ZNF845: variants seen among roughly 807,000 people sequenced by gnomAD.
The protein encoded by ZNF845 is zinc finger protein 845.
A neutral mutation model predicts 76.1 loss-of-function variants in ZNF845; 59 were observed. The ratio of observed to expected loss-of-function variants is 0.78; its 90% confidence interval spans 0.63 to 0.96. ZNF845 has a LOEUF of 0.96. ZNF845 is among the 40% of genes least tolerant of loss of function. The pLI, the probability that ZNF845 is intolerant of heterozygous loss-of-function variation, is 0.00. For synonymous variants in ZNF845, 361 were observed against 386.9 expected, an observed-to-expected ratio of 0.93 and a Z score of 0.78; for missense variants, 1,045 against 1,172.8, an observed-to-expected ratio of 0.89 and a Z score of 1.59.
At position 53,351,736 on chromosome 19, in the gene ZNF845, C is replaced by T; in HGVS notation, c.1061C>T (p.Pro354Leu). The T allele has an allele frequency of 2.5e-6, 4 of 1,614,008 alleles. No homozygotes were observed. Among genetic ancestry groups the T allele is most frequent in the African/African-American group, 1.3e-5 (1 of 75,010 alleles). Residue 354 changes from proline (P) to leucine (L), a missense_variant, in exon 4 of 4, where the codon CCT becomes CTT. By Grantham distance (98) the Pro-to-Leu change is moderately conservative. Transcript: ENST00000458035. ...YHRRLHTGEKPYKCEECDKAF... is the reference protein window; with the variant it reads ...YHRRLHTGEKLYKCEECDKAF... ...CGTAGACTTCATACTGGAGAGAAAC[C>T]TTACAAATGTGAAGAATGTGACAAA...
intron 1 of ZNF845, among the ~76,000 whole-genome samples, chr19:53,338,512 C>G (rs979278161): frequency 2.0e-5 from 3 of 151,564 alleles, no homozygotes; most frequent in Non-Finnish European, 2.9e-5. Context: ...GCATGAAGGA[C>G]ACACTCCTAC....
In ZNF845 at chr19:53,353,442, A is replaced by T. The variant is rs752335528; in HGVS notation, c.2767A>T (p.Thr923Ser). 81 of 1,611,728 alleles carry T rather than the reference A, an allele frequency of 5.0e-5. No individual in the cohort carries two copies. Among genetic ancestry groups the T allele is most frequent in the Non-Finnish European group, 6.8e-5 (80 of 1,179,410 alleles). The part of the protein sequence containing the change: ...KPYKCNECGK[T>S]FRHNSVLVIH... ...TTACAAGTGTAATGAGTGTGGCAAA[A>T]CCTTCCGTCACAATTCAGTCCTTGT... is the stretch of plus-strand genomic sequence containing the variant. Residue 923 changes from threonine (T) to serine (S), a missense_variant, in exon 4 of 4, where the codon ACC becomes TCC. Thr to Ser is a moderately conservative substitution (Grantham distance 58). Transcript: ENST00000458035.
At chr19:53,340,883 TG>T in intron 1 of ZNF845, 2 of 382,496 alleles carry the variant, frequency 5.2e-6, no homozygotes, top group South Asian at 9.6e-5. Flanking sequence ...GGCGTTCATG[TG>T]GGCTGTCCCT....
At chr19:53,334,192 C>T (rs961473776) in intron 1 of ZNF845, among the ~76,000 whole-genome samples, 7 of 152,140 alleles carry the variant, frequency 4.6e-5, no homozygotes, top group Admixed American at 4.6e-4. Context: ...CTCCCCAGGT[C>T]TCCCCACCGC....
intron 3 of ZNF845, among the ~76,000 whole-genome samples, chr19:53,350,271 C>G (rs1202311278): frequency 6.6e-6 from 1 of 152,064 alleles, no homozygotes; most frequent in Non-Finnish European, 1.5e-5. Context: ...GTAGCTGGGA[C>G]TACAGGCATG....
chr19:53,354,365 A>T lies in ZNF845; in HGVS notation c.*777A>T, dbSNP rs373345604. Reference sequence around the variant, plus strand: ...TTGAGTTCAAGCATTAATTGACATTAAAGTGTTTATGTTAAGAAGATTGGG... The same window carrying T: ...TTGAGTTCAAGCATTAATTGACATTTAAGTGTTTATGTTAAGAAGATTGGG... On this transcript the variant is annotated 3_prime_UTR_variant, in exon 4 of 4. Coordinates refer to ENST00000458035, the MANE Select transcript of ZNF845 (RefSeq NM_138374.3). The T allele has an allele frequency of 5.8e-6, 2 of 341,994 alleles. No homozygotes were observed. The highest frequency in any genetic ancestry group is 4.5e-5 in the African/African-American group (2 of 44,746). 21.2% of individuals were successfully genotyped at this position (341,994 alleles called of 1,614,324 possible).
intron 2 of ZNF845, 55 bp from the exon 3 acceptor site, chr19:53,345,451 G>T (rs528761926): frequency 6.2e-7 from 1 of 1,612,416 alleles, no homozygotes; most frequent in Admixed American, 1.7e-5. Flanking sequence ...CTCATTTCGT[G>T]TAAAGATAAG....
chr19:53,353,423 G>A lies in ZNF845; in HGVS notation c.2748G>A (p.Lys916=), dbSNP rs2085360001. 3 of 1,613,238 alleles carry A rather than the reference G, an allele frequency of 1.9e-6. No individual in the cohort carries two copies. Among genetic ancestry groups the A allele is most frequent in the African/African-American group, 2.7e-5 (2 of 74,688 alleles). ...HRIHTGEKPY[K]CNECGKTFRH... is the part of the protein sequence containing the mutation. ...TTCATACTGGAGAGAAACCTTACAAGTGTAATGAGTGTGGCAAAACCTTCC... is the reference window on the plus strand; with the variant it reads ...TTCATACTGGAGAGAAACCTTACAAATGTAATGAGTGTGGCAAAACCTTCC... The change falls in exon 4 of 4, where the codon AAG becomes AAA. Residue 916 remains lysine, a synonymous_variant. Coordinates refer to ENST00000458035, the MANE Select transcript of ZNF845 (RefSeq NM_138374.3).
At chr19:53,345,209 A>C (rs1049100657) in intron 2 of ZNF845, among the ~76,000 whole-genome samples, 1 of 152,066 alleles carries the variant, frequency 6.6e-6, no homozygotes, top group African/African-American at 2.4e-5. Context: ...CCAGCTACTC[A>C]TGAGGCTGAG....
Position 53,353,179 on chromosome 19 carries a change from A to G in ZNF845, c.2504A>G (p.Glu835Gly). The part of the protein sequence containing the change: ...HSGEKPYKCN[E>G]CGKTFRHNSA... ...GGAGAGAAACCTTACAAGTGTAATG[A>G]GTGTGGCAAGACCTTCCGTCACAAT... is the stretch of plus-strand genomic sequence containing the variant. Residue 835 changes from glutamate to glycine, a missense_variant, in exon 4 of 4, where the codon GAG becomes GGG. Glu to Gly is a moderately conservative substitution (Grantham distance 98). Coordinates refer to ENST00000458035, the MANE Select transcript of ZNF845 (RefSeq NM_138374.3). The G allele has an allele frequency of 6.2e-7, 1 of 1,613,264 alleles. No homozygotes were observed. The highest frequency in any genetic ancestry group is 8.5e-7 in the Non-Finnish European group (1 of 1,179,252).
rs1346076497 is a variant in ZNF845, at chr19:53,351,156, G to A, written c.481G>A (p.Gly161Ser). Residue 161 changes from glycine (G) to serine (S), a missense_variant, in exon 4 of 4, where the codon GGT becomes AGT. Transcript: ENST00000458035. ...CATGTTTCAGACCGAAGGGAAAATT[G>A]GTAATCAAGTTGAGAAGTCTATCAA... is the stretch of plus-strand genomic sequence containing the variant. ...LHMFQTEGKI[G>S]NQVEKSINSA... 2.2e-5 allele frequency: 35 copies of A among 1,614,026 alleles called. No individual in the cohort carries two copies. In the South Asian group the frequency reaches 2.2e-4, roughly 10 times the overall value.
chr19:53,338,702 A>ACACACACACACACG (rs1568733346), intron 1 of ZNF845, among the ~76,000 whole-genome samples: 1 of 139,626 alleles, frequency 7.2e-6, no homozygotes, highest in Non-Finnish European at 1.6e-5. Context: ...GAGCACACAC[A>ACACACACACACACG]CACACACACA....
chr19:53,353,977 G>A lies in ZNF845; in HGVS notation c.*389G>A. Reference sequence around the variant, plus strand: ...ATTGTTCATACCTTGCAGTTCATCGGTGAACTCATGCTGGAGAGAAACCTT... The same window carrying A: ...ATTGTTCATACCTTGCAGTTCATCGATGAACTCATGCTGGAGAGAAACCTT... On this transcript the variant is annotated 3_prime_UTR_variant, in exon 4 of 4. Coordinates refer to ENST00000458035, the MANE Select transcript of ZNF845 (RefSeq NM_138374.3). 2.0e-6 allele frequency: 1 copy of A among 503,116 alleles called. No individual in the cohort carries two copies. Among genetic ancestry groups the A allele is most frequent in the Non-Finnish European group, 3.5e-6 (1 of 283,016 alleles). The allele number at this position is 503,116 out of a possible 1,614,324, so 31.2% of individuals were successfully genotyped here.
Position 53,353,643 on chromosome 19 carries a change from G to A in ZNF845, c.*55G>A, listed in dbSNP as rs1461746990. On this transcript the variant is annotated 3_prime_UTR_variant, in exon 4 of 4. Transcript: ENST00000458035. ...TTGTAAATCAAGTCTTGAAAGACAG[G>A]AGAATTCATACTGGAGAGAAAGCTT... The A allele has an allele frequency of 1.3e-6, 2 of 1,525,210 alleles. No homozygotes were observed. Among genetic ancestry groups the A allele is most frequent in the African/African-American group, 1.4e-5 (1 of 71,706 alleles). 94.5% of individuals were successfully genotyped at this position (1,525,210 alleles called of 1,614,324 possible). A position where few individuals can be genotyped will look rare whatever the true frequency, so the allele number is the denominator to read the frequency against.
At chr19:53,338,972 C>T (rs1033566094) in intron 1 of ZNF845, among the ~76,000 whole-genome samples, 9 of 151,168 alleles carry the variant, frequency 6.0e-5, no homozygotes, top group Non-Finnish European at 4.4e-5. Context: ...TGGTGGTGCA[C>T]ATCTGTAATC....
At chr19:53,342,261 C>T (rs942427441) in intron 2 of ZNF845, among the ~76,000 whole-genome samples, 5 of 151,720 alleles carry the variant, frequency 3.3e-5, no homozygotes, top group African/African-American at 9.7e-5. Flanking sequence ...ATTATAGGCA[C>T]GCACCACCAC....
At chr19:53,350,249 T>C (rs1183027776) in intron 3 of ZNF845, among the ~76,000 whole-genome samples, 1 of 152,102 alleles carries the variant, frequency 6.6e-6, no homozygotes, top group African/African-American at 2.4e-5. Context: ...TTCTTGTGCC[T>C]CAGCCTCCTG....
intron 3 of ZNF845, among the ~76,000 whole-genome samples, chr19:53,348,015 T>C (rs8103209): frequency 0.85 from 129,888 of 152,226 alleles, 55,529 homozygotes; most frequent in Non-Finnish European, 0.88. Context: ...CGCGGTGAAA[T>C]CCCGTCTCCA....
At chr19:53,334,051 T>C (rs905441071) in intron 1 of ZNF845, among the ~76,000 whole-genome samples, 2 of 152,182 alleles carry the variant, frequency 1.3e-5, no homozygotes, top group Non-Finnish European at 2.9e-5. Flanking sequence ...GCTCAAAACC[T>C]TTTTCTGACT....
Sources: gnomAD v4.1 joint callset for allele counts (sites outside exome capture counted in the v4.1 genomes callset) on GRCh38, gnomAD v4.1.1 for gene constraint, MANE v1.5 for transcripts, NCBI Gene and HGNC (gene_info 2026-07-23, HGNC 2026-07-21) for gene names.